The following CD81 variants were observed in gnomAD, a reference collection of about 807,000 sequenced individuals.
CD81 encodes CD81 molecule, also known as CD81 antigen.
Under a neutral mutation model 30.1 loss-of-function variants are expected in CD81, and 10 were observed. That is an observed-to-expected ratio of 0.33 (90% confidence interval 0.21 to 0.56). The LOEUF (loss-of-function observed/expected upper bound fraction) is 0.56. Among genes scored for constraint, CD81 ranks in the 20% least tolerant of loss-of-function variants. The pLI, the probability that CD81 is intolerant of heterozygous loss-of-function variation, is 0.89. For missense variants in CD81, 263 were observed against 308.7 expected (o/e 0.85, Z 1.11); for synonymous variants, 147 against 126.4 (o/e 1.16, Z -1.10).
At chr11:2,384,437 C>T (rs1849753765) in intron 1 of CD81, among the ~76,000 whole-genome samples, 1 of 51,330 alleles carries the variant, frequency 1.9e-5, no homozygotes, top group Admixed American at 3.0e-4. Flanking sequence ...TCTCGGGAGG[C>T]GGGGCGTCTT....
intron 1 of CD81, among the ~76,000 whole-genome samples, chr11:2,388,709 G>A (rs1054350756): frequency 3.3e-5 from 5 of 150,838 alleles, no homozygotes; most frequent in African/African-American, 1.0e-4. Context: ...GGCATTCTCC[G>A]CCAGGGGGGT....
In CD81 at chr11:2,397,184, A is replaced by C; in HGVS notation, c.*318A>C. The stretch of plus-strand genomic sequence containing the variant: ...TCTCCTGGGAGCCACTCGCCCAGAG[A>C]CTCAGCTTGGCCAACTTGGGGGGCT... On this transcript the variant is annotated 3_prime_UTR_variant, in exon 8 of 8. Transcript: ENST00000263645. The C allele has an allele frequency of 4.6e-6, 2 of 438,710 alleles. No homozygotes were observed. The highest frequency in any genetic ancestry group is 4.2e-6 in the Non-Finnish European group (1 of 236,974). 27.2% of individuals were successfully genotyped at this position (438,710 alleles called of 1,614,324 possible).
intron 1 of CD81, among the ~76,000 whole-genome samples, chr11:2,388,839 GGAA>G (rs1433351052): frequency 6.6e-6 from 1 of 152,206 alleles, no homozygotes; most frequent in African/African-American, 2.4e-5. Flanking sequence ...GCATGGAGGA[GGAA>G]GAAGACTCGC....
chr11:2,377,410 C>T lies in CD81; in HGVS notation c.-140C>T, dbSNP rs1402481295. On this transcript the variant is annotated 5_prime_UTR_variant, in exon 1 of 8. Coordinates refer to ENST00000263645, the MANE Select transcript of CD81 (RefSeq NM_004356.4). The surrounding 1 kb of genome is among the most constrained non-coding windows in gnomAD (Gnocchi z 7.7). Reference sequence around the variant, plus strand: ...CGCCCCACGCGCCCCCGCGCCCCCGCGCCCCCGCGCCCCTTTCTTCGCGCC... The same window carrying T: ...CGCCCCACGCGCCCCCGCGCCCCCGTGCCCCCGCGCCCCTTTCTTCGCGCC... 6.3e-6 allele frequency: 1 copy of T among 158,106 alleles called. No individual in the cohort carries two copies. The highest frequency in any genetic ancestry group is 2.5e-5 in the African/African-American group (1 of 40,814). The allele number at this position is 158,106 out of a possible 1,614,324, so 9.8% of individuals were successfully genotyped here. A position where few individuals can be genotyped will look rare whatever the true frequency, so the allele number is the denominator to read the frequency against.
rs948467244 is a variant in CD81, at chr11:2,396,871, C to T, written c.*5C>T. ...CGGAACAGCTCCGTGTACTGAGGCC[C>T]CGCAGCTCTGGCCACAGGGACCTCT... is the stretch of plus-strand genomic sequence containing the variant. On this transcript the variant is annotated 3_prime_UTR_variant, in exon 8 of 8. Transcript: ENST00000263645. 8.7e-6 allele frequency: 14 copies of T among 1,612,484 alleles called. No homozygotes were observed. The highest frequency in any genetic ancestry group is 1.1e-5 in the Non-Finnish European group (13 of 1,179,932).
chr11:2,395,528 C>T lies in CD81; in HGVS notation c.459+8C>T. 1.9e-6 allele frequency: 3 copies of T among 1,610,010 alleles called. No individual in the cohort carries two copies. Among genetic ancestry groups the T allele is most frequent in the Non-Finnish European group, 2.5e-6 (3 of 1,177,580 alleles). ...AAGACCTTCCACGAGACGGTGCGGC[C>T]CCGGGGGGCGAGGGCGGGGAGCAGG... On this transcript the variant is annotated splice_region_variant and intron_variant, in intron 5 of 7. Transcript: ENST00000263645.
chr11:2,389,848 G>T (rs996936041), intron 1 of CD81, among the ~76,000 whole-genome samples: 8 of 152,104 alleles, frequency 5.3e-5, no homozygotes, highest in African/African-American at 1.9e-4. Flanking sequence ...GCAAAGATGG[G>T]GTGCCCCCAC....
intron 6 of CD81, 188 bp downstream of exon 6, chr11:2,396,158 G>A (rs1849998483): frequency 7.7e-6 from 5 of 648,542 alleles, no homozygotes; most frequent in East Asian, 5.5e-5. Context: ...GAAGGCAGGC[G>A]CCCTGTGCTG....
At chr11:2,376,258 T>C (rs1849584619), upstream of CD81, 1 of 152,240 alleles carries the variant, frequency 6.6e-6, no homozygotes, top group South Asian at 2.1e-4. Flanking sequence ...ATTCCCATCG[T>C]TGCAGAAGGT....
chr11:2,387,293 G>T (rs11022565), intron 1 of CD81, among the ~76,000 whole-genome samples: 11,533 of 152,238 alleles, frequency 0.076, 1,201 homozygotes, highest in African/African-American at 0.23. Flanking sequence ...CTGAGTCAGG[G>T]TTTGTCACCA....
chr11:2,382,769 A>G (rs1383505789), intron 1 of CD81, among the ~76,000 whole-genome samples: 1 of 152,222 alleles, frequency 6.6e-6, no homozygotes, highest in Admixed American at 6.5e-5. Context: ...TAGGTAAAAC[A>G]GATGACAGGG....
intron 5 of CD81, 102 bp from the exon 6 acceptor site, chr11:2,395,767 T>G: frequency 1.2e-6 from 1 of 840,344 alleles, no homozygotes; most frequent in Non-Finnish European, 2.0e-6. Context: ...CATTCTGCAG[T>G]GGGGAGCGCT....
At chr11:2,381,211 G>GCT (rs1849699612) in intron 1 of CD81, among the ~76,000 whole-genome samples, 1 of 152,214 alleles carries the variant, frequency 6.6e-6, no homozygotes, top group African/African-American at 2.4e-5. Flanking sequence ...GTTTGTCTCT[G>GCT]CTACAGACTG....
intron 1 of CD81, among the ~76,000 whole-genome samples, chr11:2,382,959 C>T (rs1485362711): frequency 2.0e-5 from 3 of 152,174 alleles, no homozygotes; most frequent in Non-Finnish European, 4.4e-5. Flanking sequence ...AACAGCTGGT[C>T]CTGGAAGGGG....
chr11:2,396,737 C>T, intron 7 of CD81, 23 bp downstream of exon 7: 1 of 1,611,498 alleles, frequency 6.2e-7, no homozygotes, highest in Non-Finnish European at 8.5e-7. Context: ...GGGCGGAGGG[C>T]CTGCTCTCTG....
chr11:2,386,212 C>A, intron 1 of CD81: 1 of 706,902 alleles, frequency 1.4e-6, no homozygotes, highest in East Asian at 2.7e-5. Context: ...GGGGAAGGGT[C>A]TGTTCCTGTT....
At position 2,395,977 on chromosome 11, in the gene CD81, G is replaced by T; in HGVS notation, c.561+7G>T. ...CATCAGCAACCTCTTCAAGGTGCGC[G>T]AGGCCGGTGGGGCCGCGCCTGACCC... On this transcript the variant is annotated splice_region_variant and intron_variant, in intron 6 of 7. Coordinates refer to ENST00000263645, the MANE Select transcript of CD81 (RefSeq NM_004356.4). The T allele has an allele frequency of 6.3e-7, 1 of 1,594,352 alleles. No homozygotes were observed. The highest frequency in any genetic ancestry group is 1.3e-5 in the African/African-American group (1 of 74,614).
intron 1 of CD81, chr11:2,389,947 A>G: frequency 3.2e-6 from 1 of 308,160 alleles, no homozygotes; most frequent in Non-Finnish European, 6.4e-6. Context: ...AGGAGGGGGC[A>G]GTGTTCCTGG....
chr11:2,392,619 T>G (rs1849918684), intron 2 of CD81: 1 of 152,234 alleles, frequency 6.6e-6, no homozygotes, highest in Non-Finnish European at 1.5e-5. Flanking sequence ...CCCTTGGAGC[T>G]CCTCTGGCCA....
Sources: gnomAD v4.1 joint callset for allele counts (sites outside exome capture counted in the v4.1 genomes callset) on GRCh38, gnomAD v4.1.1 for gene constraint, Gnocchi (gnomAD v3.1) non-coding constraint, MANE v1.5 for transcripts, NCBI Gene and HGNC (gene_info 2026-07-23, HGNC 2026-07-21) for gene names.